Variants in MAGI2 observed in about 807,000 individuals in gnomAD.
MAGI2 encodes the protein membrane-associated guanylate kinase, WW and PDZ domain-containing protein 2.
A neutral mutation model predicts 133.3 loss-of-function variants in MAGI2; 35 were observed. The ratio of observed to expected loss-of-function variants is 0.26; its 90% CI spans 0.20 to 0.35. The LOEUF (loss-of-function observed/expected upper bound fraction) is 0.35. Among genes scored for constraint, MAGI2 ranks in the 10% least tolerant of loss-of-function variants. The probability of loss-of-function intolerance (pLI) is 1.00; values close to 1 mark genes in which losing one functional copy is unlikely to be tolerated. For synonymous variants in MAGI2, 729 were observed against 710.6 expected, an observed-to-expected ratio of 1.03 and a Z score of -0.41; for missense variants, 1,636 against 1,863.4, an observed-to-expected ratio of 0.88 and a Z score of 2.25.
chr7:79,448,142 T>C (rs1389007745), intron 1 of MAGI2, among the ~76,000 whole-genome samples: 4 of 151,934 alleles, frequency 2.6e-5, no homozygotes, highest in African/African-American at 9.7e-5. Context: ...AAATAAACTA[T>C]GTCTAAAGTA....
chr7:78,168,186 C>T (rs1255081332), intron 14 of MAGI2, 78 bp from the exon 15 acceptor site: 55 of 1,332,338 alleles, frequency 4.1e-5, no homozygotes, highest in Non-Finnish European at 4.9e-5. Context: ...AACAGAGTCT[C>T]GCTTCGTTGC....
intron 6 of MAGI2, among the ~76,000 whole-genome samples, chr7:78,453,807 C>T (rs946170364): frequency 2.6e-5 from 4 of 152,182 alleles, no homozygotes; most frequent in Non-Finnish European, 5.9e-5. Context: ...AATCTGGAAA[C>T]ACAAAAAATG....
chr7:79,039,274 T>C (rs1286111576), intron 1 of MAGI2, among the ~76,000 whole-genome samples: 1 of 152,170 alleles, frequency 6.6e-6, no homozygotes, highest in East Asian at 1.9e-4. Flanking sequence ...CGATTGTAAG[T>C]TTCCTGAGGT....
intron 6 of MAGI2, chr7:78,484,604 C>T (rs1373628305): frequency 6.6e-6 from 1 of 151,934 alleles, no homozygotes; most frequent in Non-Finnish European, 1.5e-5. Flanking sequence ...TAATTTTAGC[C>T]TATATGGATT....
At chr7:78,143,328 A>C (rs1822955905) in intron 16 of MAGI2, among the ~76,000 whole-genome samples, 1 of 152,210 alleles carries the variant, frequency 6.6e-6, no homozygotes, top group Admixed American at 6.5e-5. Flanking sequence ...AAACAGTTGC[A>C]GGGTTGAGGT....
At chr7:78,877,098 A>G (rs1795487819) in intron 2 of MAGI2, among the ~76,000 whole-genome samples, 1 of 152,136 alleles carries the variant, frequency 6.6e-6, no homozygotes, top group African/African-American at 2.4e-5. Flanking sequence ...TTACCTGTTA[A>G]CTTTATCAAA....
intron 1 of MAGI2, among the ~76,000 whole-genome samples, chr7:79,148,089 G>C (rs896247734): frequency 6.6e-6 from 1 of 152,160 alleles, no homozygotes; most frequent in African/African-American, 2.4e-5. Flanking sequence ...CCTTGTCAGT[G>C]GCCCATCGAA....
At chr7:79,397,948 CT>C (rs1431568595) in intron 1 of MAGI2, among the ~76,000 whole-genome samples, 5 of 152,090 alleles carry the variant, frequency 3.3e-5, no homozygotes, top group Non-Finnish European at 5.9e-5. Context: ...ACTTTCCTCC[CT>C]AATATATTTC....
chr7:78,712,300 C>T (rs1288126353), intron 2 of MAGI2, among the ~76,000 whole-genome samples: 1 of 152,156 alleles, frequency 6.6e-6, no homozygotes, highest in African/African-American at 2.4e-5. Context: ...CACTGAATGC[C>T]TGCCTGGCAC....
intron 9 of MAGI2, among the ~76,000 whole-genome samples, chr7:78,286,983 G>A (rs578091833): frequency 1.1e-4 from 17 of 152,250 alleles, no homozygotes; most frequent in African/African-American, 3.6e-4. Context: ...GGCTGCACAT[G>A]GTAAGTTGGG....
intron 1 of MAGI2, among the ~76,000 whole-genome samples, chr7:79,116,805 T>G (rs1819450806): frequency 6.6e-6 from 1 of 152,120 alleles, no homozygotes; most frequent in Non-Finnish European, 1.5e-5. Flanking sequence ...TCTCTCTCTC[T>G]TGCTCCCCCT....
intron 20 of MAGI2, among the ~76,000 whole-genome samples, chr7:78,096,792 A>G (rs1323717391): frequency 6.6e-6 from 1 of 152,130 alleles, no homozygotes; most frequent in African/African-American, 2.4e-5. Flanking sequence ...CCTTATAGAA[A>G]AAGTTTGCCC....
intron 9 of MAGI2, among the ~76,000 whole-genome samples, chr7:78,326,928 TTC>T (rs370566870): frequency 3.3e-5 from 5 of 151,856 alleles, no homozygotes; most frequent in South Asian, 2.1e-4. Flanking sequence ...AGGAAGATCT[TTC>T]TCTCTCTCTC....
intron 1 of MAGI2, among the ~76,000 whole-genome samples, chr7:79,062,826 A>G (rs550136561): frequency 6.6e-6 from 1 of 152,104 alleles, no homozygotes; most frequent in Non-Finnish European, 1.5e-5. Flanking sequence ...ATGAGGAAAC[A>G]GCTATTCTGA....
At chr7:78,487,127 G>T (rs762693134) in intron 6 of MAGI2, 19 of 230,474 alleles carry the variant, frequency 8.2e-5, no homozygotes, top group Non-Finnish European at 1.6e-4. Flanking sequence ...TGCTTCCCGG[G>T]ACACCTTCCA....
Position 78,265,856 on chromosome 7 carries a change from G to A in MAGI2, c.1409-9275C>T, listed in dbSNP as rs192986526. On this transcript the variant is annotated intron_variant, in intron 9 of 21. Coordinates refer to ENST00000354212, the MANE Select transcript of MAGI2 (RefSeq NM_012301.4). ...AGAGGCCAGCATGGCATGACCTGTC[G>A]CCATCTTTTGACCTTACTCCAACAT... 2.6e-5 allele frequency among the ~76,000 whole-genome samples: 4 copies of A among 152,280 alleles called. No individual in the cohort carries two copies. In the East Asian group the frequency reaches 5.8e-4, roughly 22 times the overall value.
At chr7:78,565,474 T>TA (rs59788873) in intron 3 of MAGI2, among the ~76,000 whole-genome samples, 4,943 of 129,154 alleles carry the variant, frequency 0.038, 96 homozygotes, top group East Asian at 0.098. Flanking sequence ...TCTAAAACGC[T>TA]AAAAAAAAAA....
In MAGI2 at chr7:79,101,539, A is replaced by T. The variant is rs761059059; in HGVS notation, c.302-94333T>A. Among the ~76,000 whole-genome samples, 68 of 152,034 alleles carry T rather than the reference A, an allele frequency of 4.5e-4. 1 individual carries two copies. Among genetic ancestry groups the T allele is most frequent in the Non-Finnish European group, 6.3e-4 (43 of 67,990 alleles). ...GGAGATCGAGACCATTCTGGCTAACACGGTGAAACCCCGTCTCCACTAAAA... is the reference window on the plus strand; with the variant it reads ...GGAGATCGAGACCATTCTGGCTAACTCGGTGAAACCCCGTCTCCACTAAAA... On this transcript the variant is annotated intron_variant, in intron 1 of 21. Transcript: ENST00000354212.
intron 2 of MAGI2, among the ~76,000 whole-genome samples, chr7:78,948,047 T>C (rs540044490): frequency 2.4e-4 from 37 of 152,194 alleles, no homozygotes; most frequent in African/African-American, 8.9e-4. Context: ...GAAGATAGTA[T>C]TATTCTAGCT....
Sources: gnomAD v4.1 joint callset for allele counts (sites outside exome capture counted in the v4.1 genomes callset) on GRCh38, gnomAD v4.1.1 for gene constraint, MANE v1.5 for transcripts, NCBI Gene and HGNC (gene_info 2026-07-23, HGNC 2026-07-21) for gene names.